ULK2: variants seen among roughly 807,000 people sequenced by gnomAD.
ULK2 encodes the protein unc-51 like autophagy activating kinase 2.
ULK2 carries 76 observed loss-of-function variants against 127.5 expected under a neutral mutation model. That is an observed-to-expected ratio of 0.60 (90% CI 0.50 to 0.72). The LOEUF is 0.72. Ranked by LOEUF, ULK2 falls within the 30% of genes least tolerant of loss-of-function variation. The pLI is 0.00. For missense variants in ULK2, 1,144 were observed against 1,295.9 expected, an observed-to-expected ratio of 0.88 and a Z score of 1.80; for synonymous variants, 452 against 461.9, an observed-to-expected ratio of 0.98 and a Z score of 0.28.
intron 10 of ULK2, among the ~76,000 whole-genome samples, chr17:19,829,060 T>G (rs2041364862): frequency 6.6e-6 from 1 of 151,826 alleles, no homozygotes; most frequent in Admixed American, 6.6e-5. Context: ...AGTGTAAGAC[T>G]CCATCTCAAA....
intron 10 of ULK2, among the ~76,000 whole-genome samples, chr17:19,832,668 C>A (rs539122018): frequency 2.0e-5 from 3 of 152,176 alleles, no homozygotes; most frequent in East Asian, 3.9e-4. Context: ...ACTGGCTGAC[C>A]ACTAAAAAAC....
At chr17:19,833,127 GAAAAAAAAAA>G (rs71157837) in intron 10 of ULK2, among the ~76,000 whole-genome samples, 5 of 115,482 alleles carry the variant, frequency 4.3e-5, no homozygotes, top group African/African-American at 1.4e-4. Flanking sequence ...TGTCTCAAAG[GAAAAAAAAAA>G]AAAAAAAAAA....
chr17:19,846,927 C>A lies in ULK2; in HGVS notation c.296-17G>T. On this transcript the variant is annotated splice_polypyrimidine_tract_variant and intron_variant, in intron 5 of 26. Transcript: ENST00000395544. ...TCCCTTTCGCTGGTACAAAAGGAGT[C>A]ACGTAAATATTTAAGCACACAAAAT... is the stretch of plus-strand genomic sequence containing the variant. 1 of 1,590,500 alleles carries A rather than the reference C, an allele frequency of 6.3e-7. No homozygotes were observed. Among genetic ancestry groups the A allele is most frequent in the South Asian group, 1.2e-5 (1 of 86,190 alleles).
At chr17:19,797,748 A>G (rs2087306008) in intron 17 of ULK2, 66 bp from the exon 18 acceptor site, 1 of 1,319,818 alleles carries the variant, frequency 7.6e-7, no homozygotes, top group Non-Finnish European at 9.9e-7. Flanking sequence ...TGTAAAAATT[A>G]AGAAGACAAT....
intron 20 of ULK2, among the ~76,000 whole-genome samples, chr17:19,791,087 A>G (rs1445303105): frequency 6.6e-6 from 1 of 152,240 alleles, no homozygotes; most frequent in African/African-American, 2.4e-5. Flanking sequence ...TCACCCTTGG[A>G]TAGATCATCC....
intron 20 of ULK2, among the ~76,000 whole-genome samples, chr17:19,795,114 T>C (rs2087239414): frequency 6.6e-6 from 1 of 151,684 alleles, no homozygotes; most frequent in African/African-American, 2.4e-5. Context: ...AGCAAGCAAG[T>C]CTGGAATACG....
In ULK2 at chr17:19,841,504, C is replaced by T. The variant is rs748702138; in HGVS notation, c.689G>A (p.Arg230Lys). 1.0e-5 allele frequency: 16 copies of T among 1,593,586 alleles called. No individual in the cohort carries two copies. The highest frequency in any genetic ancestry group is 9.1e-5 in the East Asian group (4 of 44,148). Residue 230 changes from arginine to lysine, a missense_variant, in exon 9 of 27, where the codon AGG becomes AAG. Coordinates refer to ENST00000395544, the MANE Select transcript of ULK2 (RefSeq NM_014683.4). ...QDLRMFYEKNRSLMPSIPRET... is the reference protein window; with the variant it reads ...QDLRMFYEKNKSLMPSIPRET... ...AAACACATACCTAGGCATTAAGCTC[C>T]TGTTTTTTTCATAAAACATCCTTAA...
intron 8 of ULK2, among the ~76,000 whole-genome samples, chr17:19,842,179 ATTTTCT>A (rs1313682796): frequency 2.9e-5 from 4 of 138,870 alleles, no homozygotes; most frequent in African/African-American, 1.1e-4. Context: ...TGTGTCACTA[ATTTTCT>A]TTTTCTTTTT....
intron 9 of ULK2, 93 bp from the exon 10 acceptor site, chr17:19,838,676 T>C (rs1472480233): frequency 1.2e-5 from 13 of 1,046,094 alleles, no homozygotes; most frequent in Non-Finnish European, 1.9e-5. Context: ...AAAACGTGTA[T>C]GCGGTTTCAC....
At chr17:19,828,929 A>T (rs999163046) in intron 10 of ULK2, among the ~76,000 whole-genome samples, 2 of 152,176 alleles carry the variant, frequency 1.3e-5, no homozygotes, top group African/African-American at 4.8e-5. Flanking sequence ...AATACAAAAA[A>T]ATTAGCTAGG....
Position 19,825,082 on chromosome 17 carries a change from A to G in ULK2, c.924+12T>C. 14 of 1,612,374 alleles carry G rather than the reference A, an allele frequency of 8.7e-6. No homozygotes were observed. Among genetic ancestry groups the G allele is most frequent in the Non-Finnish European group, 1.1e-5 (13 of 1,178,704 alleles). The stretch of plus-strand genomic sequence containing the variant: ...CTAACTCTGAAATTATTTTTAATAA[A>G]CTGTAACTTACTGGTGGAGAAGCAA... On this transcript the variant is annotated intron_variant, in intron 12 of 26. Coordinates refer to ENST00000395544, the MANE Select transcript of ULK2 (RefSeq NM_014683.4).
At chr17:19,799,433 C>A in intron 17 of ULK2, 62 bp downstream of exon 17, 1 of 1,333,424 alleles carries the variant, frequency 7.5e-7, no homozygotes. Flanking sequence ...ACTAGAAAAA[C>A]ACAACTCAAA....
At position 19,797,374 on chromosome 17, in the gene ULK2, C is replaced by T. The variant is rs770823319; in HGVS notation, c.1809+22G>A. ...AAGTACTATACCAGTTCCTGACCTA[C>T]AAAAGGGTTTAATAAACAAACCTTA... On this transcript the variant is annotated intron_variant, in intron 18 of 26. Transcript: ENST00000395544. 4 of 1,599,222 alleles carry T rather than the reference C, an allele frequency of 2.5e-6. No homozygotes were observed. In the African/African-American group the frequency reaches 5.4e-5, roughly 22 times the overall value.
intron 10 of ULK2, among the ~76,000 whole-genome samples, chr17:19,836,109 A>G (rs1029434067): frequency 2.6e-5 from 4 of 151,922 alleles, no homozygotes; most frequent in African/African-American, 9.7e-5. Flanking sequence ...TCTACTAAAA[A>G]AAAAAAAAAA....
At chr17:19,781,255 T>C (rs2086914035) in intron 23 of ULK2, 151 bp from the exon 24 acceptor site, 2 of 662,266 alleles carry the variant, frequency 3.0e-6, no homozygotes, top group African/African-American at 3.7e-5. Context: ...TTTTTTTTTT[T>C]TTTTTTGACA....
chr17:19,850,283 G>C (rs762983837), intron 3 of ULK2, among the ~76,000 whole-genome samples: 3 of 152,070 alleles, frequency 2.0e-5, no homozygotes, highest in Non-Finnish European at 4.4e-5. Context: ...TGGGGCAATC[G>C]CATTATCAGC....
intron 7 of ULK2, among the ~76,000 whole-genome samples, chr17:19,845,029 GATTA>G (rs1470615956): frequency 6.6e-6 from 1 of 152,184 alleles, no homozygotes; most frequent in East Asian, 1.9e-4. Context: ...GACTACCCTT[GATTA>G]ATTTTTATTT....
chr17:19,782,142 T>G, intron 22 of ULK2, 75 bp from the exon 23 acceptor site: 2 of 1,397,732 alleles, frequency 1.4e-6, no homozygotes, highest in East Asian at 2.4e-5. Context: ...ACATAAACCA[T>G]GGCCGCTGAT....
intron 14 of ULK2, among the ~76,000 whole-genome samples, chr17:19,809,924 T>C (rs191857821): frequency 6.6e-6 from 1 of 150,898 alleles, no homozygotes; most frequent in Admixed American, 6.6e-5. Context: ...AATAACTAAA[T>C]AAAATTTCAA....
Sources: gnomAD v4.1 joint callset for allele counts (sites outside exome capture counted in the v4.1 genomes callset) on GRCh38, gnomAD v4.1.1 for gene constraint, MANE v1.5 for transcripts, NCBI Gene and HGNC (gene_info 2026-07-23, HGNC 2026-07-21) for gene names.